MYT1L: variants seen among roughly 807,000 people sequenced by gnomAD.
MYT1L encodes the protein myelin transcription factor 1-like protein.
Under a neutral mutation model 126.7 loss-of-function variants are expected in MYT1L, and 12 were observed. That is an observed-to-expected ratio of 0.09 (90% confidence interval 0.06 to 0.15). MYT1L has a LOEUF of 0.15. Among genes scored for constraint, MYT1L ranks in the 10% least tolerant of loss-of-function variants. The pLI is 1.00. For synonymous variants in MYT1L, 541 were observed against 604.2 expected (o/e 0.90, Z 1.53); for missense variants, 979 against 1,585.2 (o/e 0.62, Z 6.49).
At chr2:2,256,251 C>A (rs1012911493) in intron 2 of MYT1L, among the ~76,000 whole-genome samples, 2 of 152,210 alleles carry the variant, frequency 1.3e-5, no homozygotes, top group African/African-American at 4.8e-5. Flanking sequence ...GTGTGGGCAC[C>A]ATCAGCAACT....
intron 2 of MYT1L, among the ~76,000 whole-genome samples, chr2:2,208,252 C>A (rs2093383499): frequency 6.6e-6 from 1 of 152,152 alleles, no homozygotes; most frequent in African/African-American, 2.4e-5. Flanking sequence ...TATCCACTCC[C>A]AGTGAATGTG....
rs78734095 is a variant in MYT1L, at chr2:1,896,943, C to T, written c.2033-4656G>A. Among the ~76,000 whole-genome samples the T allele has an allele frequency of 6.3e-3, 956 of 152,214 alleles. 7 individuals are homozygous for T. The highest frequency in any genetic ancestry group is 0.022 in the African/African-American group (926 of 41,518). On this transcript the variant is annotated intron_variant, in intron 14 of 24. Coordinates refer to ENST00000647738, the MANE Select transcript of MYT1L (RefSeq NM_001303052.2). Reference sequence around the variant, plus strand: ...CTGAAGTTATAAAATGTAGATGTGACGATGCATTGACTTTCCCAGATATTT... The same window carrying T: ...CTGAAGTTATAAAATGTAGATGTGATGATGCATTGACTTTCCCAGATATTT...
At chr2:2,231,128 A>T (rs1306845096) in intron 2 of MYT1L, among the ~76,000 whole-genome samples, 2 of 152,170 alleles carry the variant, frequency 1.3e-5, no homozygotes, top group Non-Finnish European at 2.9e-5. Flanking sequence ...CACAGCTTTC[A>T]TTTCCTGCTT....
intron 14 of MYT1L, among the ~76,000 whole-genome samples, chr2:1,898,519 C>T (rs2049914012): frequency 6.6e-6 from 1 of 152,226 alleles, no homozygotes; most frequent in South Asian, 2.1e-4. Context: ...GTGTCCTTGG[C>T]ACAGCTACTG....
intron 21 of MYT1L, among the ~76,000 whole-genome samples, chr2:1,818,445 C>T (rs1172141986): frequency 6.6e-6 from 1 of 152,186 alleles, no homozygotes; most frequent in East Asian, 1.9e-4. Flanking sequence ...TATTCCACTG[C>T]TACTATTTTA....
intron 2 of MYT1L, among the ~76,000 whole-genome samples, chr2:2,263,291 C>T (rs142051329): frequency 0.012 from 1,889 of 151,898 alleles, 28 homozygotes; most frequent in African/African-American, 0.042. Flanking sequence ...TGGCAGAGAG[C>T]GAGGAGGGCC....
intron 2 of MYT1L, among the ~76,000 whole-genome samples, chr2:2,221,604 C>T (rs139994412): frequency 7.2e-5 from 11 of 152,104 alleles, no homozygotes; most frequent in Admixed American, 2.6e-4. Context: ...AGAAAATGAC[C>T]GCTGATTCCT....
intron 3 of MYT1L, among the ~76,000 whole-genome samples, chr2:2,151,389 C>T (rs1575509910): frequency 6.6e-6 from 1 of 151,972 alleles, no homozygotes; most frequent in Non-Finnish European, 1.5e-5. Context: ...GGGATGTACT[C>T]CCTCCCAATG....
At chr2:2,100,813 T>G (rs1332202513) in intron 3 of MYT1L, among the ~76,000 whole-genome samples, 1 of 152,158 alleles carries the variant, frequency 6.6e-6, no homozygotes, top group East Asian at 1.9e-4. Flanking sequence ...ATGGCAGGGG[T>G]GCATATATAA....
intron 3 of MYT1L, among the ~76,000 whole-genome samples, chr2:2,161,091 C>T (rs951484354): frequency 4.6e-5 from 7 of 152,112 alleles, no homozygotes; most frequent in African/African-American, 1.4e-4. Context: ...CATGGTGGTG[C>T]GTTCTGTAGT....
chr2:2,115,362 TTGAATAAA>T (rs1179243268), intron 3 of MYT1L, among the ~76,000 whole-genome samples: 1 of 152,202 alleles, frequency 6.6e-6, no homozygotes, highest in Non-Finnish European at 1.5e-5. Flanking sequence ...AGATTCGCTT[TTGAATAAA>T]TGAATTTATA....
chr2:2,187,354 G>T (rs2092285094), intron 2 of MYT1L, among the ~76,000 whole-genome samples: 1 of 151,998 alleles, frequency 6.6e-6, no homozygotes, highest in African/African-American at 2.4e-5. Flanking sequence ...GTGAGAGCGA[G>T]AACCCACAAT....
At chr2:2,088,435 A>C (rs562047414) in intron 3 of MYT1L, among the ~76,000 whole-genome samples, 1 of 152,260 alleles carries the variant, frequency 6.6e-6, no homozygotes, top group African/African-American at 2.4e-5. Flanking sequence ...GCCTGTGCTC[A>C]TGACCCTAAA....
intron 4 of MYT1L, among the ~76,000 whole-genome samples, chr2:2,023,082 T>C (rs1016668080): frequency 6.6e-6 from 1 of 152,164 alleles, no homozygotes; most frequent in Admixed American, 6.5e-5. Flanking sequence ...TCTTTGTCAA[T>C]GAAACAGAGT....
At chr2:1,835,415 A>C (rs759097705) in intron 21 of MYT1L, among the ~76,000 whole-genome samples, 4 of 152,220 alleles carry the variant, frequency 2.6e-5, no homozygotes, top group Non-Finnish European at 4.4e-5. Context: ...TGGATACTCA[A>C]AGCACCATTT....
chr2:2,050,424 A>C (rs559495840), intron 4 of MYT1L, among the ~76,000 whole-genome samples: 1 of 152,198 alleles, frequency 6.6e-6, no homozygotes, highest in Non-Finnish European at 1.5e-5. Flanking sequence ...TTTTAAGGAC[A>C]GTCTTTAGCA....
intron 4 of MYT1L, among the ~76,000 whole-genome samples, chr2:2,047,243 C>T (rs764309370): frequency 6.6e-6 from 1 of 152,122 alleles, no homozygotes; most frequent in Non-Finnish European, 1.5e-5. Flanking sequence ...CTTACATGGA[C>T]CTAAATATGC....
chr2:1,956,564 A>G (rs1359754032), intron 8 of MYT1L, among the ~76,000 whole-genome samples: 3 of 127,126 alleles, frequency 2.4e-5, no homozygotes, highest in African/African-American at 9.2e-5. Context: ...ATCCTATTCT[A>G]TATTTCCTAT....
chr2:2,221,321 T>C (rs1421455181), intron 2 of MYT1L, among the ~76,000 whole-genome samples: 1 of 152,138 alleles, frequency 6.6e-6, no homozygotes, highest in African/African-American at 2.4e-5. Context: ...ATTGAGTCTG[T>C]GCACCTCTTG....
Sources: allele counts gnomAD v4.1 joint callset (sites outside exome capture counted in the v4.1 genomes callset), GRCh38; gene constraint gnomAD v4.1.1; transcripts MANE v1.5; gene names NCBI Gene and HGNC (gene_info 2026-07-23, HGNC 2026-07-21).